Variants in PRELID2 observed in about 807,000 individuals in gnomAD.
PRELID2 encodes PRELI domain-containing protein 2.
A neutral mutation model predicts 28.4 loss-of-function variants in PRELID2; 25 were observed. That is an observed-to-expected ratio of 0.88 (90% CI 0.64 to 1.23). The LOEUF is 1.23. PRELID2 is among the 50% of genes most tolerant of loss of function. The probability of loss-of-function intolerance (pLI) is 0.00; values close to 1 mark genes in which losing one functional copy is unlikely to be tolerated. For missense variants in PRELID2, 201 were observed against 214.4 expected, an observed-to-expected ratio of 0.94 and a Z score of 0.39; for synonymous variants, 76 against 71.6, an observed-to-expected ratio of 1.06 and a Z score of -0.31.
intron 5 of PRELID2, among the ~76,000 whole-genome samples, chr5:145,769,909 A>G (rs1005194399): frequency 1.3e-5 from 2 of 152,244 alleles, no homozygotes; most frequent in African/African-American, 4.8e-5. Flanking sequence ...TGACTTTTAA[A>G]AGAAAAAAGT....
intron 1 of PRELID2, among the ~76,000 whole-genome samples, chr5:145,740,841 G>T (rs146026206): frequency 0.62 from 20,183 of 32,358 alleles, 5,432 homozygotes; most frequent in East Asian, 0.86. Context: ...TATATTTATC[G>T]ATAAATATAT....
chr5:145,381,826 C>A, the PRELID2 span, among the ~76,000 whole-genome samples: 4 of 152,036 alleles, frequency 2.6e-5, no homozygotes, highest in East Asian at 7.7e-4. Context: ...CATAACAGAA[C>A]ATATTATCTC....
At chr5:145,246,123 C>G in the PRELID2 span, among the ~76,000 whole-genome samples, 1 of 152,064 alleles carries the variant, frequency 6.6e-6, no homozygotes, top group East Asian at 1.9e-4. Flanking sequence ...CAACAATAAA[C>G]CTGGTAAATG....
At chr5:145,440,135 C>T in the PRELID2 span, among the ~76,000 whole-genome samples, 1 of 152,086 alleles carries the variant, frequency 6.6e-6, no homozygotes, top group Non-Finnish European at 1.5e-5. Flanking sequence ...GCCCCTCCTG[C>T]ATGGATGAAC....
At chr5:145,818,847 T>C (rs1046084506) in intron 3 of PRELID2, among the ~76,000 whole-genome samples, 6 of 152,172 alleles carry the variant, frequency 3.9e-5, no homozygotes, top group African/African-American at 1.4e-4. Context: ...CCAAGCTGGG[T>C]TCCACATCTG....
the PRELID2 span, among the ~76,000 whole-genome samples, chr5:145,371,595 G>A: frequency 2.0e-5 from 3 of 152,040 alleles, no homozygotes; most frequent in East Asian, 3.9e-4. Flanking sequence ...GTCTCTTCCC[G>A]GTTTTGGTAT....
intron 1 of PRELID2, among the ~76,000 whole-genome samples, chr5:145,538,893 C>A (rs1376505944): frequency 6.6e-6 from 1 of 151,854 alleles, no homozygotes; most frequent in Admixed American, 6.6e-5. Flanking sequence ...TTTATAAAGG[C>A]CATTTTCTGC....
chr5:145,421,227 T>G, the PRELID2 span, among the ~76,000 whole-genome samples: 10 of 148,826 alleles, frequency 6.7e-5, no homozygotes, highest in African/African-American at 2.2e-4. Context: ...GGCTTTGGTA[T>G]CAGAATGATG....
chr5:145,646,920 C>A (rs955661487), intron 1 of PRELID2, among the ~76,000 whole-genome samples: 1 of 152,136 alleles, frequency 6.6e-6, no homozygotes, highest in Admixed American at 6.5e-5. Flanking sequence ...CTGCCAGATG[C>A]CGGCCAGAGC....
At chr5:145,413,611 TACACACACACACACACACACAC>T in the PRELID2 span, among the ~76,000 whole-genome samples, 97 of 140,062 alleles carry the variant, frequency 6.9e-4, 1 homozygote, top group African/African-American at 2.5e-3. Flanking sequence ...ATGAAGAAAA[TACACACACACACACACACACAC>T]ACACACACAC....
intron 1 of PRELID2, among the ~76,000 whole-genome samples, chr5:145,498,923 C>T (rs946551555): frequency 6.6e-6 from 1 of 151,896 alleles, no homozygotes; most frequent in African/African-American, 2.4e-5. Context: ...AAAAATACTA[C>T]ACCATTACTG....
At chr5:145,503,414 C>A (rs144339351) in intron 1 of PRELID2, among the ~76,000 whole-genome samples, 1 of 152,088 alleles carries the variant, frequency 6.6e-6, no homozygotes, top group African/African-American at 2.4e-5. Flanking sequence ...GACCACAGAA[C>A]GTGATATCAG....
downstream of PRELID2, among the ~76,000 whole-genome samples, chr5:145,467,603 T>A (rs1222324434): frequency 1.3e-5 from 2 of 152,124 alleles, no homozygotes; most frequent in African/African-American, 4.8e-5. Flanking sequence ...ATTTTATCAT[T>A]TAGTCCTCAA....
chr5:145,745,508 C>T (rs756650333), intron 1 of PRELID2, among the ~76,000 whole-genome samples: 5 of 152,174 alleles, frequency 3.3e-5, no homozygotes, highest in Non-Finnish European at 7.3e-5. Context: ...TAACAGCAGA[C>T]GTCTCAGCAG....
the PRELID2 span, among the ~76,000 whole-genome samples, chr5:145,411,933 A>G: frequency 6.6e-6 from 1 of 152,142 alleles, no homozygotes; most frequent in Non-Finnish European, 1.5e-5. Context: ...CTGAAGCAAT[A>G]TCCCGAGCTG....
At chr5:145,454,297 T>A in the PRELID2 span, among the ~76,000 whole-genome samples, 35 of 152,134 alleles carry the variant, frequency 2.3e-4, no homozygotes, top group Non-Finnish European at 4.1e-4. Flanking sequence ...ATAAGAGCTA[T>A]CTATGACAAA....
the PRELID2 span, among the ~76,000 whole-genome samples, chr5:145,386,623 T>C: frequency 1.2e-4 from 19 of 152,300 alleles, no homozygotes; most frequent in South Asian, 3.5e-3. Flanking sequence ...GGTATGTCTT[T>C]ATAGCAGTGT....
chr5:145,496,744 C>A (rs144888603), intron 1 of PRELID2, among the ~76,000 whole-genome samples: 16 of 152,250 alleles, frequency 1.1e-4, no homozygotes, highest in African/African-American at 3.9e-4. Flanking sequence ...GCCAAACCTA[C>A]CTCGTGGTCT....
chr5:145,369,684 G>C, the PRELID2 span, among the ~76,000 whole-genome samples: 3 of 151,996 alleles, frequency 2.0e-5, no homozygotes, highest in Non-Finnish European at 2.9e-5. Flanking sequence ...CTAGATCCTT[G>C]AGGAATCACC....
Sources: allele counts gnomAD v4.1 joint callset (sites outside exome capture counted in the v4.1 genomes callset), GRCh38; gene constraint gnomAD v4.1.1; transcripts MANE v1.5; gene names NCBI Gene and HGNC (gene_info 2026-07-23, HGNC 2026-07-21).